The following NRG3 variants were observed in gnomAD, a reference collection of about 807,000 sequenced individuals.
The protein encoded by NRG3 is pro-neuregulin-3, membrane-bound isoform.
A neutral mutation model predicts 66.9 loss-of-function variants in NRG3; 31 were observed. The observed-to-expected ratio is 0.46, with a 90% CI of 0.35 to 0.63. The LOEUF (loss-of-function observed/expected upper bound fraction) is 0.63, where lower values mean the gene tolerates loss of function less well. NRG3 is among the 20% of genes least tolerant of loss of function. The pLI, the probability that NRG3 is intolerant of heterozygous loss-of-function variation, is 0.00. For missense variants in NRG3, 910 were observed against 878.9 expected (o/e 1.04, Z -0.45); for synonymous variants, 393 against 359.4 (o/e 1.09, Z -1.06).
At chr10:81,954,005 T>C (rs1470577907) in intron 1 of NRG3, among the ~76,000 whole-genome samples, 1 of 152,254 alleles carries the variant, frequency 6.6e-6, no homozygotes, top group Non-Finnish European at 1.5e-5. Flanking sequence ...CCAATCAAGC[T>C]GACAGTTATG....
intron 2 of NRG3, among the ~76,000 whole-genome samples, chr10:82,557,850 C>T (rs1393190957): frequency 2.0e-5 from 3 of 152,108 alleles, no homozygotes; most frequent in African/African-American, 4.8e-5. Context: ...GTAAGTTTCC[C>T]AAGGTCAAAA....
intron 2 of NRG3, among the ~76,000 whole-genome samples, chr10:82,560,406 C>G (rs1482969565): frequency 6.6e-6 from 1 of 150,888 alleles, no homozygotes; most frequent in Non-Finnish European, 1.5e-5. Context: ...TTATAACTTT[C>G]TTATTAAATT....
chr10:82,149,957 A>G (rs2070579613), intron 1 of NRG3, among the ~76,000 whole-genome samples: 1 of 151,880 alleles, frequency 6.6e-6, no homozygotes, highest in Non-Finnish European at 1.5e-5. Context: ...GGAAATCTCC[A>G]CCCTGGGCCA....
rs150330203 is a variant in NRG3 at position 82,181,322 on chromosome 10, A to T, written c.824-177417A>T. 2.0e-3 allele frequency among the ~76,000 whole-genome samples: 301 copies of T among 151,440 alleles called. 3 individuals carry two copies. The highest frequency in any genetic ancestry group is 6.7e-3 in the African/African-American group (277 of 41,376). On this transcript the variant is annotated intron_variant, in intron 1 of 8. Coordinates refer to ENST00000372141, the MANE Select transcript of NRG3 (RefSeq NM_001010848.4). ...AGTTTGGTCTTTTCCTAGTTTATCA[A>T]GTTGTAGAATTAGGTTGATTATTTG...
intron 1 of NRG3, among the ~76,000 whole-genome samples, chr10:82,151,768 G>T (rs1422989755): frequency 6.6e-6 from 1 of 152,148 alleles, no homozygotes; most frequent in African/African-American, 2.4e-5. Context: ...GACCTGTGAT[G>T]ATCACTGTCC....
intron 1 of NRG3, among the ~76,000 whole-genome samples, chr10:82,205,331 G>T (rs1276625674): frequency 6.6e-6 from 1 of 152,060 alleles, no homozygotes; most frequent in Non-Finnish European, 1.5e-5. Flanking sequence ...TCTTTTCATT[G>T]TAACTAACAG....
At chr10:81,998,199 A>G (rs189889737) in intron 1 of NRG3, among the ~76,000 whole-genome samples, 5 of 152,346 alleles carry the variant, frequency 3.3e-5, no homozygotes, top group African/African-American at 1.2e-4. Context: ...TACACATGGA[A>G]TGTGATTAAA....
chr10:82,744,763 C>T (rs1028122614), intron 3 of NRG3, among the ~76,000 whole-genome samples: 21 of 151,986 alleles, frequency 1.4e-4, no homozygotes, highest in Admixed American at 3.3e-4. Flanking sequence ...ATTAATAAAC[C>T]CTGGCTTTCT....
At chr10:82,921,026 A>T (rs1396189349) in intron 4 of NRG3, among the ~76,000 whole-genome samples, 2 of 152,134 alleles carry the variant, frequency 1.3e-5, no homozygotes, top group Admixed American at 1.3e-4. Flanking sequence ...ACACATAGTG[A>T]CTTTTCTTCC....
chr10:81,986,932 T>G (rs889310486), intron 1 of NRG3, among the ~76,000 whole-genome samples: 1 of 152,200 alleles, frequency 6.6e-6, no homozygotes. Context: ...TCCTCCCACC[T>G]TGGCCTCCCA....
At chr10:82,727,589 G>T (rs2057672974) in intron 2 of NRG3, among the ~76,000 whole-genome samples, 1 of 152,242 alleles carries the variant, frequency 6.6e-6, no homozygotes, top group Admixed American at 6.5e-5. Flanking sequence ...GGATGTCTGG[G>T]CAGAAGTTTG....
chr10:81,906,593 C>T (rs747325949), intron 1 of NRG3, among the ~76,000 whole-genome samples: 7 of 151,970 alleles, frequency 4.6e-5, no homozygotes, highest in Admixed American at 1.3e-4. Context: ...TAGAGTGGAG[C>T]GAAGTGGGCT....
At chr10:82,044,674 T>C (rs1589887614) in intron 1 of NRG3, among the ~76,000 whole-genome samples, 1 of 152,088 alleles carries the variant, frequency 6.6e-6, no homozygotes, top group South Asian at 2.1e-4. Context: ...GTGCTGCACC[T>C]ATTAACTCTT....
chr10:82,571,362 A>G (rs542280371), intron 2 of NRG3, among the ~76,000 whole-genome samples: 2 of 151,790 alleles, frequency 1.3e-5, no homozygotes, highest in Non-Finnish European at 3.0e-5. Context: ...AAACAAAGCG[A>G]TATGAGTTTT....
intron 3 of NRG3, among the ~76,000 whole-genome samples, chr10:82,863,924 T>C (rs1344198827): frequency 1.3e-5 from 2 of 152,198 alleles, no homozygotes; most frequent in African/African-American, 2.4e-5. Context: ...TCTATCACCA[T>C]GTGTATGATG....
chr10:82,650,569 A>G (rs2051333153), intron 2 of NRG3, among the ~76,000 whole-genome samples: 1 of 152,228 alleles, frequency 6.6e-6, no homozygotes, highest in African/African-American at 2.4e-5. Context: ...GTTGATTACC[A>G]CAGACACTAG....
chr10:82,581,181 CAT>C (rs941217199), intron 2 of NRG3, among the ~76,000 whole-genome samples: 7 of 152,048 alleles, frequency 4.6e-5, no homozygotes, highest in African/African-American at 1.7e-4. Context: ...TCACTAATGA[CAT>C]GTGATGTTGG....
intron 3 of NRG3, among the ~76,000 whole-genome samples, chr10:82,761,973 T>TTTC (rs1158962545): frequency 3.1e-4 from 36 of 115,328 alleles, no homozygotes; most frequent in African/African-American, 6.7e-4. Context: ...TCTTTCTTTC[T>TTTC]TTTCTTTCTT....
At chr10:82,436,565 T>C (rs950592576) in intron 2 of NRG3, among the ~76,000 whole-genome samples, 1 of 152,350 alleles carries the variant, frequency 6.6e-6, no homozygotes, top group Non-Finnish European at 1.5e-5. Context: ...TGTGTGAATT[T>C]GATCCTGTCA....
Sources: allele counts gnomAD v4.1 joint callset (sites outside exome capture counted in the v4.1 genomes callset), GRCh38; gene constraint gnomAD v4.1.1; transcripts MANE v1.5; gene names NCBI Gene and HGNC (gene_info 2026-07-23, HGNC 2026-07-21).